The following GRM8 variants were observed in gnomAD, a reference collection of about 807,000 sequenced individuals.
The protein encoded by GRM8 is metabotropic glutamate receptor 8.
In GRM8, 47 loss-of-function variants were observed where a neutral mutation model predicts 87.2. The observed-to-expected ratio is 0.54, with a 90% confidence interval of 0.43 to 0.69. GRM8 has a LOEUF of 0.69. Ranked by LOEUF, GRM8 falls within the 30% of genes least tolerant of loss-of-function variation. The probability of loss-of-function intolerance (pLI) is 0.00; values close to 1 mark genes in which losing one functional copy is unlikely to be tolerated. For missense variants in GRM8, 1,019 were observed against 1,139.2 expected (o/e 0.89, Z 1.52); for synonymous variants, 396 against 404.5 (o/e 0.98, Z 0.25).
At chr7:126,702,300 G>A (rs970991710) in intron 7 of GRM8, among the ~76,000 whole-genome samples, 7 of 152,188 alleles carry the variant, frequency 4.6e-5, no homozygotes, top group Admixed American at 1.3e-4. Context: ...GGATGGACAG[G>A]TGTAATGAGG....
At chr7:126,925,302 T>C (rs1804974053) in intron 3 of GRM8, among the ~76,000 whole-genome samples, 1 of 152,206 alleles carries the variant, frequency 6.6e-6, no homozygotes, top group Admixed American at 6.5e-5. Context: ...CTGTGAAATT[T>C]GTGCTGAATG....
chr7:127,226,436 T>A (rs1265375540), intron 2 of GRM8, among the ~76,000 whole-genome samples: 1 of 152,216 alleles, frequency 6.6e-6, no homozygotes, highest in Admixed American at 6.5e-5. Context: ...TCTAATAGAT[T>A]TTTCTGTTGA....
At chr7:126,966,327 G>A (rs1184959442) in intron 3 of GRM8, among the ~76,000 whole-genome samples, 4 of 152,048 alleles carry the variant, frequency 2.6e-5, no homozygotes, top group African/African-American at 7.3e-5. Flanking sequence ...TAGAGATGGG[G>A]CCTCACTATG....
chr7:126,582,258 T>A (rs1432093604), intron 8 of GRM8, among the ~76,000 whole-genome samples: 2 of 152,158 alleles, frequency 1.3e-5, no homozygotes, highest in East Asian at 3.9e-4. Context: ...GTTTTAGTGG[T>A]CTGGATAGAA....
chr7:127,240,345 C>A (rs1798216907), intron 2 of GRM8, among the ~76,000 whole-genome samples: 1 of 152,040 alleles, frequency 6.6e-6, no homozygotes, highest in South Asian at 2.1e-4. Flanking sequence ...GGAAGCCTTC[C>A]TGCATTTTCT....
chr7:126,594,048 T>C (rs1372759801), intron 8 of GRM8, among the ~76,000 whole-genome samples: 1 of 151,982 alleles, frequency 6.6e-6, no homozygotes, highest in Non-Finnish European at 1.5e-5. Context: ...TAATGAGGTA[T>C]CACTTCACAC....
intron 3 of GRM8, among the ~76,000 whole-genome samples, chr7:126,917,946 C>A (rs1804099756): frequency 6.6e-6 from 1 of 152,164 alleles, no homozygotes; most frequent in African/African-American, 2.4e-5. Context: ...ACTCATGGAG[C>A]ATTAACTGAG....
chr7:126,664,707 G>A (rs1259027893), intron 7 of GRM8, among the ~76,000 whole-genome samples: 1 of 151,994 alleles, frequency 6.6e-6, no homozygotes, highest in East Asian at 1.9e-4. Context: ...CTGGTCATTG[G>A]CCTTGGGAAA....
intron 5 of GRM8, 49 bp from the exon 6 acceptor site, chr7:126,902,728 T>C (rs1420577201): frequency 1.2e-5 from 16 of 1,344,092 alleles, no homozygotes; most frequent in African/African-American, 1.5e-5. Flanking sequence ...CAAAATTAAA[T>C]ATTGTCAGAA....
At chr7:126,609,879 A>G (rs544461658) in intron 7 of GRM8, among the ~76,000 whole-genome samples, 15 of 152,376 alleles carry the variant, frequency 9.8e-5, no homozygotes, top group Admixed American at 3.3e-4. Context: ...AATACGAACT[A>G]CAAACAGCAA....
At chr7:126,715,532 A>G (rs1370596350) in intron 7 of GRM8, among the ~76,000 whole-genome samples, 1 of 152,118 alleles carries the variant, frequency 6.6e-6, no homozygotes, top group East Asian at 1.9e-4. Flanking sequence ...TAGAATCTAC[A>G]TTTTTTACAT....
intron 3 of GRM8, among the ~76,000 whole-genome samples, chr7:127,046,387 TA>T (rs150530710): frequency 0.015 from 2,292 of 148,230 alleles, 56 homozygotes; most frequent in African/African-American, 0.054. Context: ...AAATAAAAAA[TA>T]AAAAAAAAAG....
At chr7:126,582,793 C>T (rs978755692) in intron 8 of GRM8, among the ~76,000 whole-genome samples, 2 of 152,096 alleles carry the variant, frequency 1.3e-5, no homozygotes, top group African/African-American at 4.8e-5. Context: ...GCCTGTTACC[C>T]AGGTTCTCAC....
intron 6 of GRM8, among the ~76,000 whole-genome samples, chr7:126,845,122 G>T (rs1796600841): frequency 6.6e-6 from 1 of 152,258 alleles, no homozygotes. Flanking sequence ...CATGGAGGTT[G>T]GTTAGATGAA....
intron 3 of GRM8, among the ~76,000 whole-genome samples, chr7:127,021,350 T>TTTTTTTTTTTTTTTTTG (rs1554570998): frequency 6.6e-6 from 1 of 151,460 alleles, no homozygotes; most frequent in African/African-American, 2.4e-5. Context: ...AAATTTTTTT[T>TTTTTTTTTTTTTTTTTG]AAAGAAATCA....
intron 7 of GRM8, among the ~76,000 whole-genome samples, chr7:126,765,979 A>G (rs1168835529): frequency 6.6e-6 from 1 of 152,116 alleles, no homozygotes; most frequent in Non-Finnish European, 1.5e-5. Context: ...TTTGATGCCA[A>G]TTAGTACTCT....
chr7:126,527,679 G>A (rs767248190), intron 9 of GRM8, among the ~76,000 whole-genome samples: 16 of 152,102 alleles, frequency 1.1e-4, no homozygotes, highest in South Asian at 2.1e-4. Flanking sequence ...ACTACCTCTC[G>A]AATATTAGAA....
At chr7:127,047,344 C>G (rs1819029601) in intron 3 of GRM8, among the ~76,000 whole-genome samples, 1 of 152,140 alleles carries the variant, frequency 6.6e-6, no homozygotes, top group African/African-American at 2.4e-5. Context: ...ACAACTTTCA[C>G]TCTAAATTGA....
intron 3 of GRM8, among the ~76,000 whole-genome samples, chr7:126,932,558 C>A (rs1340621654): frequency 6.6e-6 from 1 of 152,090 alleles, no homozygotes; most frequent in Admixed American, 6.6e-5. Context: ...AAAGAGTACA[C>A]TATCTTGCTA....
Sources: gnomAD v4.1 joint callset for allele counts (sites outside exome capture counted in the v4.1 genomes callset) on GRCh38, gnomAD v4.1.1 for gene constraint, MANE v1.5 for transcripts, NCBI Gene and HGNC (gene_info 2026-07-23, HGNC 2026-07-21) for gene names.